Variants in MGMT observed in about 807,000 individuals in gnomAD.
MGMT encodes methylated-DNA--protein-cysteine methyltransferase.
MGMT carries 14 observed loss-of-function variants against 15.9 expected under a neutral mutation model. That is an observed-to-expected ratio of 0.88 (90% confidence interval 0.58 to 1.37). MGMT has a LOEUF of 1.37. Ranked by LOEUF, MGMT falls within the 40% of genes most tolerant of loss-of-function variation. The pLI, the probability that MGMT is intolerant of heterozygous loss-of-function variation, is 0.00. For synonymous variants in MGMT, 130 were observed against 118.2 expected, an observed-to-expected ratio of 1.10 and a Z score of -0.65; for missense variants, 282 against 268.1, an observed-to-expected ratio of 1.05 and a Z score of -0.36.
At chr10:129,721,246 G>C (rs1375359900) in intron 3 of MGMT, among the ~76,000 whole-genome samples, 1 of 152,270 alleles carries the variant, frequency 6.6e-6, no homozygotes, top group African/African-American at 2.4e-5. Flanking sequence ...TAAAACTAAT[G>C]ATGTTACAGA....
intron 3 of MGMT, among the ~76,000 whole-genome samples, chr10:129,716,100 A>G (rs1158830907): frequency 6.6e-6 from 1 of 152,216 alleles, no homozygotes; most frequent in Non-Finnish European, 1.5e-5. Flanking sequence ...TTAATTCCAT[A>G]CAAGAAGTTA....
chr10:129,616,758 C>A (rs527542969), intron 2 of MGMT, among the ~76,000 whole-genome samples: 1 of 152,222 alleles, frequency 6.6e-6, no homozygotes, highest in South Asian at 2.1e-4. Flanking sequence ...TTGTGATATT[C>A]TCTAGTGAGT....
chr10:129,601,909 A>G (rs1589888323), intron 2 of MGMT, among the ~76,000 whole-genome samples: 1 of 152,208 alleles, frequency 6.6e-6, no homozygotes, highest in Non-Finnish European at 1.5e-5. Context: ...TCGCCGTGGT[A>G]CATTACAGCC....
intron 2 of MGMT, among the ~76,000 whole-genome samples, chr10:129,678,073 C>G (rs529100989): frequency 2.6e-5 from 4 of 152,096 alleles, no homozygotes; most frequent in Non-Finnish European, 4.4e-5. Context: ...TGTCCAGAAA[C>G]GCTCCTCTCG....
intron 1 of MGMT, among the ~76,000 whole-genome samples, chr10:129,530,068 G>A (rs150530950): frequency 1.3e-4 from 20 of 151,748 alleles, no homozygotes; most frequent in Non-Finnish European, 2.8e-4. Context: ...CCTGGCTAAT[G>A]TTTTTATGTT....
Position 129,707,891 on chromosome 10 carries a change from G to T in MGMT, c.126-4G>T. On this transcript the variant is annotated splice_region_variant and splice_polypyrimidine_tract_variant and intron_variant, in intron 2 of 4. Transcript: ENST00000651593. ...TTACTAAGCCCCTGTTCTCACTTTT[G>T]CAGTGCCGTGGAGGTCCCAGCCCCC... 2 of 1,610,966 alleles carry T rather than the reference G, an allele frequency of 1.2e-6. No individual in the cohort carries two copies. The highest frequency in any genetic ancestry group is 8.5e-7 in the Non-Finnish European group (1 of 1,179,960).
At chr10:129,486,538 C>G (rs1342017417) in intron 1 of MGMT, among the ~76,000 whole-genome samples, 2 of 152,142 alleles carry the variant, frequency 1.3e-5, no homozygotes, top group Non-Finnish European at 2.9e-5. Flanking sequence ...CATACTCAGT[C>G]TTTCCCTGTA....
chr10:129,656,564 C>T (rs993332763), intron 2 of MGMT, among the ~76,000 whole-genome samples: 1 of 152,188 alleles, frequency 6.6e-6, no homozygotes, highest in Non-Finnish European at 1.5e-5. Context: ...ATGACACGTG[C>T]CCCAGGTGGT....
chr10:129,725,927 A>G lies in MGMT; in HGVS notation c.274+17884A>G, dbSNP rs188283875. On this transcript the variant is annotated intron_variant, in intron 3 of 4. Transcript: ENST00000651593. ...ACCAGCCCCTTCTAGCTCCTGGGGCAGTTTCTCTTTAGCTGAAACTTCCCT... is the reference window on the plus strand; with the variant it reads ...ACCAGCCCCTTCTAGCTCCTGGGGCGGTTTCTCTTTAGCTGAAACTTCCCT... Among the ~76,000 whole-genome samples the G allele has an allele frequency of 6.0e-3, 912 of 152,302 alleles. 4 individuals carry two copies. The highest frequency in any genetic ancestry group is 9.7e-3 in the Non-Finnish European group (663 of 68,018).
intron 2 of MGMT, among the ~76,000 whole-genome samples, chr10:129,683,492 T>C (rs1411814916): frequency 6.6e-6 from 1 of 152,170 alleles, no homozygotes; most frequent in Non-Finnish European, 1.5e-5. Context: ...TCCATACACA[T>C]GGCAGCTTTT....
At chr10:129,746,328 A>C (rs1422125982) in intron 3 of MGMT, among the ~76,000 whole-genome samples, 2 of 150,934 alleles carry the variant, frequency 1.3e-5, no homozygotes, top group Non-Finnish European at 3.0e-5. Flanking sequence ...CTTTTTAATG[A>C]AGTTCAATTT....
chr10:129,623,227 C>T (rs1010939492), intron 2 of MGMT, among the ~76,000 whole-genome samples: 1 of 152,176 alleles, frequency 6.6e-6, no homozygotes, highest in Non-Finnish European at 1.5e-5. Flanking sequence ...AGACACAAAA[C>T]ACCCAGTCAC....
intron 2 of MGMT, chr10:129,537,154 G>T (rs1002825197): frequency 1.5e-5 from 2 of 132,528 alleles, no homozygotes; most frequent in Non-Finnish European, 3.3e-5. Flanking sequence ...AGAAGAAGAA[G>T]AAAAAAAAAA....
At chr10:129,495,066 G>A (rs920022848) in intron 1 of MGMT, among the ~76,000 whole-genome samples, 9 of 152,168 alleles carry the variant, frequency 5.9e-5, no homozygotes, top group African/African-American at 7.2e-5. Flanking sequence ...GGATATTACC[G>A]ACCCCATGCA....
At chr10:129,579,554 G>A (rs1402219496) in intron 2 of MGMT, among the ~76,000 whole-genome samples, 1 of 152,266 alleles carries the variant, frequency 6.6e-6, no homozygotes, top group Non-Finnish European at 1.5e-5. Context: ...ATCTTTAGGA[G>A]AATGTCTTTA....
intron 2 of MGMT, among the ~76,000 whole-genome samples, chr10:129,578,296 A>G (rs569452003): frequency 1.3e-5 from 2 of 152,362 alleles, no homozygotes; most frequent in Admixed American, 6.5e-5. Context: ...ATGTCCAACA[A>G]TGATAGACTG....
In MGMT at chr10:129,657,719, ACACACACACC is replaced by A. The variant is rs1345069909; in HGVS notation, c.126-50174_126-50165del. On this transcript the variant is annotated intron_variant, in intron 2 of 4. Transcript: ENST00000651593. ...CACACACACACACGCACACACACAC[ACACACACACC>A]CCCTCTCCCCCAAGGACCCACAAGG... Among the ~76,000 whole-genome samples the A allele has an allele frequency of 2.0e-3, 290 of 148,206 alleles. 8 individuals are homozygous for A. The highest frequency in any genetic ancestry group is 0.014 in the Middle Eastern group (4 of 288).
chr10:129,686,167 G>C (rs1434075161), intron 2 of MGMT, among the ~76,000 whole-genome samples: 1 of 151,938 alleles, frequency 6.6e-6, no homozygotes, highest in East Asian at 1.9e-4. Context: ...GAAACTGGAG[G>C]GCACAGACTG....
At chr10:129,468,624 C>T (rs1845197421) in intron 1 of MGMT, among the ~76,000 whole-genome samples, 1 of 152,006 alleles carries the variant, frequency 6.6e-6, no homozygotes, top group African/African-American at 2.4e-5. Flanking sequence ...GTGGGTCACG[C>T]CTGTAATCTC....
Sources: allele counts gnomAD v4.1 joint callset (sites outside exome capture counted in the v4.1 genomes callset), GRCh38; gene constraint gnomAD v4.1.1; transcripts MANE v1.5; gene names NCBI Gene and HGNC (gene_info 2026-07-23, HGNC 2026-07-21).